CYP4F12: variants seen among roughly 807,000 people sequenced by gnomAD.
CYP4F12 encodes the protein cytochrome P450 family 4 subfamily F member 12, also known as cytochrome P450 4F12.
Under a neutral mutation model 56.5 loss-of-function variants are expected in CYP4F12, and 60 were observed. The observed-to-expected ratio is 1.06, with a 90% CI of 0.86 to 1.32. The LOEUF (loss-of-function observed/expected upper bound fraction) is 1.32. Among genes scored for constraint, CYP4F12 ranks in the 40% most tolerant of loss-of-function variants. CYP4F12 has a pLI of 0.00. For synonymous variants in CYP4F12, 263 were observed against 264.9 expected, an observed-to-expected ratio of 0.99 and a Z score of 0.07; for missense variants, 711 against 683.5, an observed-to-expected ratio of 1.04 and a Z score of -0.45.
chr19:15,683,928 C>A, intron 7 of CYP4F12, 165 bp downstream of exon 7: 1 of 750,292 alleles, frequency 1.3e-6, no homozygotes, highest in Non-Finnish European at 2.0e-6. Context: ...TGCATGCAGC[C>A]CACAGGGCAC....
At chr19:15,690,354 T>G (rs1045036826) in intron 9 of CYP4F12, among the ~76,000 whole-genome samples, 1 of 152,200 alleles carries the variant, frequency 6.6e-6, no homozygotes, top group Non-Finnish European at 1.5e-5. Context: ...TATTTGAAAT[T>G]TGCTCTCTTA....
chr19:15,676,949 C>T (rs1287786644), intron 2 of CYP4F12, among the ~76,000 whole-genome samples: 63 of 131,460 alleles, frequency 4.8e-4, no homozygotes, highest in African/African-American at 1.9e-3. Context: ...ACTCATTCCT[C>T]TCCTCACTCA....
At chr19:15,680,638 G>T in intron 5 of CYP4F12, 119 bp downstream of exon 5, 4 of 1,345,790 alleles carry the variant, frequency 3.0e-6, no homozygotes, top group Non-Finnish European at 4.2e-6. Flanking sequence ...TCCTCTCTGA[G>T]CCTTGGTTTC....
chr19:15,673,306 G>A (rs7253210), intron 1 of CYP4F12, 171 bp downstream of exon 1: 558,832 of 615,006 alleles, frequency 0.91, 253,289 homozygotes, highest in East Asian at 1. Context: ...GACTCTAATC[G>A]GCCCATCTCT....
intron 1 of CYP4F12, 171 bp from the exon 2 acceptor site, chr19:15,673,358 G>A: frequency 1.4e-6 from 1 of 690,556 alleles, no homozygotes; most frequent in Non-Finnish European, 2.4e-6. Flanking sequence ...AGGCCACTTA[G>A]TTGTTGGTTT....
At chr19:15,689,211 G>A (rs1250136131) in intron 9 of CYP4F12, among the ~76,000 whole-genome samples, 1 of 150,750 alleles carries the variant, frequency 6.6e-6, no homozygotes, top group Non-Finnish European at 1.5e-5. Context: ...CTGACAAAGG[G>A]CTAGTATCCA....
At chr19:15,691,727 T>G (rs678933) in intron 9 of CYP4F12, among the ~76,000 whole-genome samples, 43,925 of 151,420 alleles carry the variant, frequency 0.29, 7,093 homozygotes, top group African/African-American at 0.42. Context: ...TGCAAAAGAT[T>G]GCCTTTTGAC....
At chr19:15,686,491 G>C (rs2886477) in intron 9 of CYP4F12, among the ~76,000 whole-genome samples, 3,493 of 151,960 alleles carry the variant, frequency 0.023, 21 homozygotes, top group African/African-American at 0.081. Flanking sequence ...AGAAGTAAGA[G>C]GGAGGAAAAG....
intron 12 of CYP4F12, 78 bp downstream of exon 12, chr19:15,696,590 C>T: frequency 1.3e-6 from 2 of 1,481,548 alleles, no homozygotes. Flanking sequence ...TGCAGATGGT[C>T]CCAGTTCCAG....
intron 9 of CYP4F12, 83 bp downstream of exon 9, chr19:15,685,280 G>C: frequency 6.5e-7 from 1 of 1,548,180 alleles, no homozygotes; most frequent in Non-Finnish European, 8.8e-7. Flanking sequence ...GAGTTGTTTT[G>C]TGGATTCTTC....
intron 3 of CYP4F12, among the ~76,000 whole-genome samples, 180 bp from the exon 4 acceptor site, chr19:15,680,064 T>C (rs922606699): frequency 6.6e-6 from 1 of 152,226 alleles, no homozygotes; most frequent in Non-Finnish European, 1.5e-5. Context: ...ATAGCTTTAC[T>C]GTGCTGTTGC....
intron 9 of CYP4F12, among the ~76,000 whole-genome samples, chr19:15,686,805 C>T (rs2007628646): frequency 1.3e-5 from 2 of 152,106 alleles, no homozygotes; most frequent in South Asian, 4.1e-4. Flanking sequence ...GGGACCTGAG[C>T]CAGGGCAGGG....
Position 15,680,401 on chromosome 19 carries a change from T to A in CYP4F12, c.407T>A (p.Ile136Lys), listed in dbSNP as rs770246280. 4.3e-6 allele frequency: 7 copies of A among 1,614,158 alleles called. No homozygotes were observed. The highest frequency in any genetic ancestry group is 5.9e-6 in the Non-Finnish European group (7 of 1,179,986). The change falls in exon 5 of 13, where the codon ATA (isoleucine) becomes AAA (lysine). Residue 136 changes from isoleucine (I) to lysine (K), a missense_variant. Transcript: ENST00000550308. The part of the protein sequence containing the change: ...RFLKPWLGEG[I>K]LLSGGDKWSR... ...TTGGCTGCCCTACTAGGAGAAGGGA[T>A]ACTGCTGAGTGGCGGTGACAAGTGG... is the stretch of plus-strand genomic sequence containing the variant.
In CYP4F12 at chr19:15,680,539, G is replaced by C; in HGVS notation, c.525+20G>C. 3 of 1,614,032 alleles carry C rather than the reference G, an allele frequency of 1.9e-6. No individual in the cohort carries two copies. Among genetic ancestry groups the C allele is most frequent in the Non-Finnish European group, 2.5e-6 (3 of 1,180,018 alleles). Reference sequence around the variant, plus strand: ...ATGCTTGTGAGTCCCTTGAAGTCTGGGTCCCAGATGGAGTCTTGGGGTGGA... The same window carrying C: ...ATGCTTGTGAGTCCCTTGAAGTCTGCGTCCCAGATGGAGTCTTGGGGTGGA... On this transcript the variant is annotated intron_variant, in intron 5 of 12. Coordinates refer to ENST00000550308, the MANE Select transcript of CYP4F12 (RefSeq NM_023944.4).
chr19:15,676,255 C>G (rs1350676818), intron 2 of CYP4F12, among the ~76,000 whole-genome samples: 1 of 148,892 alleles, frequency 6.7e-6, no homozygotes, highest in South Asian at 2.2e-4. Context: ...GTCTGGGAAC[C>G]CAGAGAACCA....
intron 9 of CYP4F12, among the ~76,000 whole-genome samples, chr19:15,690,440 C>T (rs561877460): frequency 5.3e-5 from 8 of 152,286 alleles, no homozygotes; most frequent in South Asian, 2.1e-4. Context: ...TTCCTTCTAA[C>T]GGAAACTTGT....
At chr19:15,685,263 G>C in intron 9 of CYP4F12, 66 bp downstream of exon 9, 1 of 1,569,592 alleles carries the variant, frequency 6.4e-7, no homozygotes, top group Non-Finnish European at 8.7e-7. Context: ...AGTGAGGAGG[G>C]GTGGAGGAGT....
At chr19:15,682,538 T>A (rs566641722) in intron 6 of CYP4F12, 28 bp downstream of exon 6, 2 of 1,610,980 alleles carry the variant, frequency 1.2e-6, no homozygotes, top group Non-Finnish European at 1.7e-6. Context: ...GCCTGGGATA[T>A]GAATCCATGG....
chr19:15,683,519 T>A lies in CYP4F12; in HGVS notation c.674T>A (p.Ile225Asn). The change falls in exon 7 of 13, where the codon ATC (isoleucine) becomes AAC (asparagine). Residue 225 changes from isoleucine to asparagine, a missense_variant. Physicochemically the swap from Ile to Asn is moderately radical, Grantham distance 149. Transcript: ENST00000550308. ...QERPSEYIAT[I>N]LELSALVEKR... ...AGGCCCAGTGAATATATTGCCACCA[T>A]CTTGGAGCTCAGTGCCCTTGTAGAG... 1 of 1,608,522 alleles carries A rather than the reference T, an allele frequency of 6.2e-7. No individual in the cohort carries two copies. The highest frequency in any genetic ancestry group is 8.5e-7 in the Non-Finnish European group (1 of 1,177,716).
Sources: gnomAD v4.1 joint callset for allele counts (sites outside exome capture counted in the v4.1 genomes callset) on GRCh38, gnomAD v4.1.1 for gene constraint, MANE v1.5 for transcripts, NCBI Gene and HGNC (gene_info 2026-07-23, HGNC 2026-07-21) for gene names.